Variants in LRP8 observed in about 807,000 individuals in gnomAD.
The protein encoded by LRP8 is low-density lipoprotein receptor-related protein 8.
LRP8 carries 46 observed loss-of-function variants against 111.6 expected under a neutral mutation model. The ratio of observed to expected loss-of-function variants is 0.41; its 90% confidence interval spans 0.33 to 0.53. The LOEUF (loss-of-function observed/expected upper bound fraction) is 0.53. LRP8 is among the 20% of genes least tolerant of loss of function. The pLI is 0.20. For synonymous variants in LRP8, 464 were observed against 511.2 expected, an observed-to-expected ratio of 0.91 and a Z score of 1.24; for missense variants, 959 against 1,297.4, an observed-to-expected ratio of 0.74 and a Z score of 4.01.
rs1201393674 is a variant in LRP8 at position 53,289,598 on chromosome 1, A to G, written c.336T>C (p.Pro112=). Residue 112 remains proline, a synonymous_variant, in exon 3 of 19, where the codon CCT becomes CCC. Transcript: ENST00000306052. ...TGGCCTCGGACTCATCGGAGCCATC[A>G]GGACACTCCTCCTCGCCGTCACACT... The part of the protein sequence containing the change: ...RWKCDGEEEC[P]DGSDESEATC... 1 of 1,609,756 alleles carries G rather than the reference A, an allele frequency of 6.2e-7. No homozygotes were observed. Among genetic ancestry groups the G allele is most frequent in the Non-Finnish European group, 8.5e-7 (1 of 1,178,154 alleles).
chr1:53,258,974 T>A (rs976949587), intron 13 of LRP8, among the ~76,000 whole-genome samples: 1 of 152,228 alleles, frequency 6.6e-6, no homozygotes, highest in African/African-American at 2.4e-5. Flanking sequence ...CAAAATACAT[T>A]ATTTTGTTCC....
chr1:53,280,634 C>T lies in LRP8; in HGVS notation c.449G>A (p.Gly150Glu). 1 of 1,613,492 alleles carries T rather than the reference C, an allele frequency of 6.2e-7. No homozygotes were observed. Among genetic ancestry groups the T allele is most frequent in the Non-Finnish European group, 8.5e-7 (1 of 1,180,026 alleles). The change falls in exon 4 of 19, where the codon GGG becomes GAG. Residue 150 changes from glycine (G) to glutamate (E), a missense_variant. By Grantham distance (98) the Gly-to-Glu change is moderately conservative. Around this residue, in one of 3 missense-constraint regions of LRP8, gnomAD observed 819 missense variants for 1,097.6 expected, o/e 0.75. Transcript: ENST00000306052. Reference sequence around the variant, plus strand: ...CGCTCCACCCTCGCAGTCCTTCTCCCCGTCGCAGCGCCACGAGGCAGGTAC... The same window carrying T: ...CGCTCCACCCTCGCAGTCCTTCTCCTCGTCGCAGCGCCACGAGGCAGGTAC... ...KCVPASWRCD[G>E]EKDCEGGADE...
chr1:53,318,291 C>T (rs563378608), intron 2 of LRP8, among the ~76,000 whole-genome samples: 5 of 151,380 alleles, frequency 3.3e-5, no homozygotes, highest in South Asian at 2.1e-4. Context: ...GAACACCGCT[C>T]GTTGTTCTCT....
chr1:53,258,594 C>T, intron 13 of LRP8, 123 bp from the exon 14 acceptor site: 2 of 842,162 alleles, frequency 2.4e-6, no homozygotes, highest in South Asian at 1.9e-5. Flanking sequence ...TTTTTTTTCA[C>T]ATTTTTTTTC....
chr1:53,309,603 T>C (rs1329000348), intron 2 of LRP8, among the ~76,000 whole-genome samples: 1 of 152,130 alleles, frequency 6.6e-6, no homozygotes, highest in East Asian at 1.9e-4. Context: ...TGCGGGGCCA[T>C]GCTGTGGACC....
intron 9 of LRP8, 63 bp from the exon 10 acceptor site, chr1:53,264,459 C>T (rs986680437): frequency 3.1e-6 from 4 of 1,288,552 alleles, no homozygotes; most frequent in East Asian, 2.4e-5. Context: ...TCTGGAGCTA[C>T]CTGTGCACCC....
At chr1:53,306,542 C>A (rs531669862) in intron 2 of LRP8, among the ~76,000 whole-genome samples, 2 of 152,340 alleles carry the variant, frequency 1.3e-5, no homozygotes, top group East Asian at 3.9e-4. Context: ...GTAAGCCACT[C>A]CCCCTCTCTG....
At chr1:53,260,409 G>A (rs1646285377) in intron 13 of LRP8, 55 bp downstream of exon 13, 3 of 1,579,894 alleles carry the variant, frequency 1.9e-6, no homozygotes, top group Non-Finnish European at 2.6e-6. Context: ...GGTGAAAGGA[G>A]AGGACACAGT....
intron 2 of LRP8, among the ~76,000 whole-genome samples, chr1:53,318,772 T>G (rs550041520): frequency 1.7e-4 from 25 of 150,316 alleles, no homozygotes; most frequent in Admixed American, 3.3e-4. Context: ...CGGCATAACA[T>G]GGCCTCATTT....
intron 2 of LRP8, among the ~76,000 whole-genome samples, chr1:53,297,058 C>G (rs1649865180): frequency 6.6e-6 from 1 of 151,232 alleles, no homozygotes; most frequent in Admixed American, 6.6e-5. Flanking sequence ...TGGGGTCCAG[C>G]AGCAATGGAT....
intron 3 of LRP8, among the ~76,000 whole-genome samples, chr1:53,282,616 G>T (rs981822144): frequency 1.3e-5 from 2 of 152,112 alleles, no homozygotes; most frequent in African/African-American, 2.4e-5. Context: ...ATCAAAGGGT[G>T]GGGGGTGAGG....
At chr1:53,298,422 A>G (rs185475168) in intron 2 of LRP8, among the ~76,000 whole-genome samples, 16 of 152,270 alleles carry the variant, frequency 1.1e-4, no homozygotes, top group Non-Finnish European at 1.8e-4. Context: ...GCGCCTGCAA[A>G]GGGACCAAGC....
At chr1:53,308,183 C>A (rs951284187) in intron 2 of LRP8, among the ~76,000 whole-genome samples, 2 of 152,252 alleles carry the variant, frequency 1.3e-5, no homozygotes, top group African/African-American at 4.8e-5. Context: ...CCAAACACAC[C>A]TTTGCTGAGC....
rs1645822011 is a variant in LRP8, at chr1:53,249,323, G to A, written c.2853+57C>T. The A allele has an allele frequency of 1.9e-6, 3 of 1,569,020 alleles. No homozygotes were observed. The Admixed American group carries it at 5.5e-5, about 29-fold the overall frequency. ...AAGCCTTCTAGGATTGGCTGCGCCTGCCTTGGTTCATGCCCTCACTCACCA... is the reference window on the plus strand; with the variant it reads ...AAGCCTTCTAGGATTGGCTGCGCCTACCTTGGTTCATGCCCTCACTCACCA... On this transcript the variant is annotated intron_variant, in intron 18 of 18. Coordinates refer to ENST00000306052, the MANE Select transcript of LRP8 (RefSeq NM_004631.5). The surrounding 1 kb of genome is among the most constrained non-coding windows in gnomAD (Gnocchi z 4.1).
At position 53,293,929 on chromosome 1, in the gene LRP8, G is replaced by A. The variant is rs1306336805; in HGVS notation, c.245-4240C>T. On this transcript the variant is annotated intron_variant, in intron 2 of 18. Coordinates refer to ENST00000306052, the MANE Select transcript of LRP8 (RefSeq NM_004631.5). The surrounding 1 kb of genome is among the most constrained non-coding windows in gnomAD (Gnocchi z 4.9). Reference sequence around the variant, plus strand: ...GGACAAAAGGCAAAAAGACTCTTCTGGGGGATCCTGGTGAACACCCAGTGT... The same window carrying A: ...GGACAAAAGGCAAAAAGACTCTTCTAGGGGATCCTGGTGAACACCCAGTGT... Among the ~76,000 whole-genome samples the A allele has an allele frequency of 6.6e-6, 1 of 152,224 alleles. No homozygotes were observed. Among genetic ancestry groups the A allele is most frequent in the African/African-American group, 2.4e-5 (1 of 41,454 alleles).
At position 53,262,563 on chromosome 1, in the gene LRP8, A is replaced by G. The variant is rs1268507698; in HGVS notation, c.1657T>C (p.Phe553Leu). 1 of 1,613,604 alleles carries G rather than the reference A, an allele frequency of 6.2e-7. No homozygotes were observed. The highest frequency in any genetic ancestry group is 1.7e-5 in the Admixed American group (1 of 60,024). Reference sequence around the variant, plus strand: ...TCCCCCCAGTCAGACCAATACATGAACCTAAAAGACAAAATAACCCAATTT... The same window carrying G: ...TCCCCCCAGTCAGACCAATACATGAGCCTAAAAGACAAAATAACCCAATTT... ...RAIAVDPLRG[F>L]MYWSDWGDQA... Residue 553 changes from phenylalanine (F) to leucine (L), a missense_variant and splice_region_variant, in exon 11 of 19, where the codon TTC becomes CTC. Phe to Leu is a conservative substitution (Grantham distance 22). Around this residue, in one of 3 missense-constraint regions of LRP8, gnomAD observed 819 missense variants for 1,097.6 expected, o/e 0.75. Coordinates refer to ENST00000306052, the MANE Select transcript of LRP8 (RefSeq NM_004631.5). The surrounding 1 kb of genome is among the most constrained non-coding windows in gnomAD (Gnocchi z 4.8).
At chr1:53,302,482 T>C (rs2100499325) in intron 2 of LRP8, among the ~76,000 whole-genome samples, 1 of 152,184 alleles carries the variant, frequency 6.6e-6, no homozygotes, top group East Asian at 1.9e-4. Flanking sequence ...AGAGGGGAGA[T>C]GAGTGACGTC....
rs1315712887 is a variant in LRP8, at chr1:53,328,012, TGCCCCCGCCGCC to T, written c.-112_-101del. Reference sequence around the variant, plus strand: ...CTTGCCGCGGCGCCGGGGTTGCCGCTGCCCCCGCCGCCGCCGCCGCCGCCGCTGCCGCCCGCC... The same window carrying T: ...CTTGCCGCGGCGCCGGGGTTGCCGCTGCCGCCGCCGCCGCTGCCGCCCGCC... On this transcript the variant is annotated 5_prime_UTR_variant, in exon 1 of 19. Coordinates refer to ENST00000306052, the MANE Select transcript of LRP8 (RefSeq NM_004631.5). 1.4e-6 allele frequency: 1 copy of T among 722,198 alleles called. No individual in the cohort carries two copies. Among genetic ancestry groups the T allele is most frequent in the African/African-American group, 2.0e-5 (1 of 51,230 alleles). 44.7% of individuals were successfully genotyped at this position (722,198 alleles called of 1,614,324 possible). A position where few individuals can be genotyped will look rare whatever the true frequency, so the allele number is the denominator to read the frequency against.
In LRP8 at chr1:53,266,197, A is replaced by C. The variant is rs529554639; in HGVS notation, c.1427+276T>G. On this transcript the variant is annotated intron_variant, in intron 9 of 18. Coordinates refer to ENST00000306052, the MANE Select transcript of LRP8 (RefSeq NM_004631.5). The surrounding 1 kb of genome is among the most constrained non-coding windows in gnomAD (Gnocchi z 5.0). ...TTCTTCCTTTCTGCCCTGGCCAAAC[A>C]GTTCCTGTGTCTTGTGCTTCCATAT... Among the ~76,000 whole-genome samples, 1 of 152,162 alleles carries C rather than the reference A, an allele frequency of 6.6e-6. No homozygotes were observed. Among genetic ancestry groups the C allele is most frequent in the Non-Finnish European group, 1.5e-5 (1 of 68,026 alleles).
Sources: gnomAD v4.1 joint callset for allele counts (sites outside exome capture counted in the v4.1 genomes callset) on GRCh38, gnomAD v4.1.1 for gene constraint, gnomAD v4.1.1 regional missense constraint, Gnocchi (gnomAD v3.1) non-coding constraint, MANE v1.5 for transcripts, NCBI Gene and HGNC (gene_info 2026-07-23, HGNC 2026-07-21) for gene names.